Variants in USP34 observed in about 807,000 individuals in gnomAD.
USP34 encodes the protein ubiquitin specific peptidase 34.
USP34 carries 70 observed loss-of-function variants against 460.3 expected under a neutral mutation model. That is an observed-to-expected ratio of 0.15 (90% confidence interval 0.13 to 0.19). The LOEUF is 0.19. Among genes scored for constraint, USP34 ranks in the 10% least tolerant of loss-of-function variants. USP34 has a pLI of 1.00. For missense variants in USP34, 3,985 were observed against 4,236.2 expected (o/e 0.94, Z 1.65); for synonymous variants, 1,647 against 1,405.3 (o/e 1.17, Z -3.85).
At chr2:61,232,173 A>G (rs187217298) in intron 58 of USP34, among the ~76,000 whole-genome samples, 1 of 152,172 alleles carries the variant, frequency 6.6e-6, no homozygotes, top group Non-Finnish European at 1.5e-5. Flanking sequence ...AAAGCATCTA[A>G]TAATAAAGAG....
chr2:61,188,882 G>T (rs761365222), intron 79 of USP34, 28 bp downstream of exon 79: 2 of 1,612,794 alleles, frequency 1.2e-6, no homozygotes, highest in East Asian at 2.2e-5. Flanking sequence ...CCACCCTAAA[G>T]GTAATGATAG....
At chr2:61,467,487 T>C (rs1415709434) in intron 1 of USP34, among the ~76,000 whole-genome samples, 1 of 151,998 alleles carries the variant, frequency 6.6e-6, no homozygotes, top group African/African-American at 2.4e-5. Context: ...TACGTATTTT[T>C]CAGCATGACC....
intron 70 of USP34, 67 bp downstream of exon 70, chr2:61,208,832 A>G: frequency 3.3e-6 from 4 of 1,207,776 alleles, no homozygotes; most frequent in Admixed American, 2.4e-5. Flanking sequence ...AAATGTCTAT[A>G]AAGTAAGTCT....
chr2:61,446,549 C>T (rs777212595), intron 1 of USP34, among the ~76,000 whole-genome samples: 3 of 151,686 alleles, frequency 2.0e-5, no homozygotes, highest in Non-Finnish European at 4.4e-5. Context: ...TAATTCTAGC[C>T]CTTTGAGAAG....
chr2:61,341,285 G>A (rs1691590796), intron 16 of USP34, among the ~76,000 whole-genome samples: 1 of 152,130 alleles, frequency 6.6e-6, no homozygotes, highest in African/African-American at 2.4e-5. Context: ...TCACAGACAT[G>A]TTTTCACTTC....
intron 1 of USP34, among the ~76,000 whole-genome samples, chr2:61,450,886 C>CA (rs71405120): frequency 0.63 from 80,048 of 127,072 alleles, 23,866 homozygotes; most frequent in Middle Eastern, 0.69. Flanking sequence ...GGAGGAGATG[C>CA]AAAAAAAAAA....
intron 1 of USP34, among the ~76,000 whole-genome samples, chr2:61,467,630 T>TTC (rs1401032113): frequency 1.2e-4 from 18 of 145,680 alleles, no homozygotes; most frequent in Non-Finnish European, 2.3e-4. Flanking sequence ...TTTTTTTTTT[T>TTC]TTTTTTTGAG....
chr2:61,349,201 C>A, intron 13 of USP34, 49 bp downstream of exon 13: 2 of 1,581,148 alleles, frequency 1.3e-6, no homozygotes, highest in South Asian at 1.2e-5. Flanking sequence ...TAGAAAACCA[C>A]TATAAAAAAC....
intron 1 of USP34, among the ~76,000 whole-genome samples, chr2:61,437,268 A>T (rs1269253035): frequency 1.3e-5 from 2 of 152,142 alleles, no homozygotes; most frequent in East Asian, 3.9e-4. Flanking sequence ...AGATAAACAA[A>T]ATCAACAAAC....
chr2:61,436,894 G>T (rs1694828715), intron 1 of USP34, among the ~76,000 whole-genome samples: 1 of 152,118 alleles, frequency 6.6e-6, no homozygotes, highest in African/African-American at 2.4e-5. Context: ...GAGAAATGCT[G>T]GAAACTATAC....
chr2:61,407,490 A>G (rs900666072), intron 2 of USP34, among the ~76,000 whole-genome samples: 5 of 152,248 alleles, frequency 3.3e-5, no homozygotes, highest in Non-Finnish European at 7.3e-5. Context: ...CAGTAATAGC[A>G]TCAGATCAAA....
intron 75 of USP34, among the ~76,000 whole-genome samples, chr2:61,199,058 C>G (rs1686892196): frequency 6.6e-6 from 1 of 152,114 alleles, no homozygotes. Context: ...CAAACATTTT[C>G]CCAATTAGCT....
rs1239462529 is a variant in USP34, at chr2:61,265,858, CCCTA to C, written c.5617+122_5617+125del. 4 of 936,692 alleles carry C rather than the reference CCCTA, an allele frequency of 4.3e-6. No individual in the cohort carries two copies. The African/African-American group carries it at 6.6e-5, about 16-fold the overall frequency. 58.0% of individuals were successfully genotyped at this position (936,692 alleles called of 1,614,324 possible). ...TGTTTACTTTTTAACTTTAATAACA[CCCTA>C]CCAATAATCATTTATAATGTTAAAG... On this transcript the variant is annotated intron_variant, in intron 42 of 79. Coordinates refer to ENST00000398571, the MANE Select transcript of USP34 (RefSeq NM_014709.4).
Position 61,350,291 on chromosome 2 carries a change from T to A in USP34, c.1476A>T (p.Leu492Phe). ...LSKQSSFASL[L>F]NTNIPIGNKK... ...TATTTCCAATGGGAATATTAGTATT[T>A]AATAAAGATGCAAAAGAACTCTGTT... The change falls in exon 12 of 80, where the codon TTA becomes TTT. Residue 492 changes from leucine (L) to phenylalanine (F), a missense_variant. Transcript: ENST00000398571. 1.2e-6 allele frequency: 2 copies of A among 1,611,686 alleles called. No homozygotes were observed. Among genetic ancestry groups the A allele is most frequent in the Non-Finnish European group, 1.7e-6 (2 of 1,178,646 alleles).
intron 53 of USP34, among the ~76,000 whole-genome samples, chr2:61,240,759 A>G (rs72811463): frequency 0.16 from 23,725 of 151,882 alleles, 2,265 homozygotes; most frequent in South Asian, 0.36. Flanking sequence ...TTTTTAGTAC[A>G]GCTGCAGTTT....
intron 3 of USP34, among the ~76,000 whole-genome samples, chr2:61,400,457 A>C (rs1693681834): frequency 6.6e-6 from 1 of 152,198 alleles, no homozygotes; most frequent in Admixed American, 6.5e-5. Context: ...CTCCATGATC[A>C]AACCATGAAG....
Position 61,470,673 on chromosome 2 carries a change from T to C in USP34, c.20A>G (p.Asp7Gly). The C allele has an allele frequency of 6.3e-7, 1 of 1,594,400 alleles. No homozygotes were observed. Among genetic ancestry groups the C allele is most frequent in the Non-Finnish European group, 8.5e-7 (1 of 1,170,826 alleles). MCENCA[D>G]LVEVLNEISD... ...ACTTTCATTTAACACCTCCACCAGG[T>C]CTGCGCAGTTCTCGCACATCGTTCG... The change falls in exon 1 of 80, where the codon GAC becomes GGC. Residue 7 changes from aspartate (D) to glycine (G), a missense_variant. Coordinates refer to ENST00000398571, the MANE Select transcript of USP34 (RefSeq NM_014709.4).
chr2:61,451,614 G>C (rs1478580425), intron 1 of USP34, among the ~76,000 whole-genome samples: 1 of 151,818 alleles, frequency 6.6e-6, no homozygotes, highest in Non-Finnish European at 1.5e-5. Flanking sequence ...CCTGGGAGAC[G>C]GAGGTTGTGG....
chr2:61,384,723 G>A (rs1357790872), intron 5 of USP34, among the ~76,000 whole-genome samples: 5 of 152,082 alleles, frequency 3.3e-5, no homozygotes, highest in Admixed American at 2.6e-4. Context: ...AATTCAGAAT[G>A]TAGGGATTCA....
Sources: gnomAD v4.1 joint callset for allele counts (sites outside exome capture counted in the v4.1 genomes callset) on GRCh38, gnomAD v4.1.1 for gene constraint, MANE v1.5 for transcripts, NCBI Gene and HGNC (gene_info 2026-07-23, HGNC 2026-07-21) for gene names.